Variants in RALYL observed in about 807,000 individuals in gnomAD.
RALYL encodes the protein RNA-binding Raly-like protein.
Under a neutral mutation model 35.1 loss-of-function variants are expected in RALYL, and 29 were observed. The observed-to-expected ratio is 0.83, with a 90% CI of 0.61 to 1.13. The LOEUF (loss-of-function observed/expected upper bound fraction) is 1.13. Among genes scored for constraint, RALYL ranks in the 50% most tolerant of loss-of-function variants. RALYL has a pLI of 0.00. For synonymous variants in RALYL, 120 were observed against 127.6 expected, an observed-to-expected ratio of 0.94 and a Z score of 0.40; for missense variants, 359 against 360.4, an observed-to-expected ratio of 1.00 and a Z score of 0.03.
chr8:84,771,789 C>G (rs1237408576), intron 2 of RALYL, among the ~76,000 whole-genome samples: 1 of 151,820 alleles, frequency 6.6e-6, no homozygotes, highest in South Asian at 2.1e-4. Flanking sequence ...AGAAACAAAT[C>G]CTTTGTCAAA....
At position 84,457,151 on chromosome 8, in the gene RALYL, A is replaced by G. The variant is rs542389193; in HGVS notation, c.-23-72148A>G. ...TTGCCAGTTGTCATTCTGAAGCATA[A>G]ATGGAATGCAGGGTTTGGAAGTTGT... On this transcript the variant is annotated intron_variant, in intron 1 of 8. Coordinates refer to ENST00000521268, the MANE Select transcript of RALYL (RefSeq NM_173848.7). 3.2e-3 allele frequency among the ~76,000 whole-genome samples: 482 copies of G among 152,042 alleles called. 2 individuals are homozygous for G. The highest frequency in any genetic ancestry group is 0.011 in the African/African-American group (449 of 41,506).
At chr8:84,912,777 T>C (rs1433117896) in intron 8 of RALYL, among the ~76,000 whole-genome samples, 3 of 152,060 alleles carry the variant, frequency 2.0e-5, no homozygotes, top group Non-Finnish European at 4.4e-5. Context: ...TTCTGTCATG[T>C]TGATTTCAAA....
chr8:84,585,765 G>A (rs1811851727), intron 2 of RALYL, among the ~76,000 whole-genome samples: 1 of 151,962 alleles, frequency 6.6e-6, no homozygotes, highest in Admixed American at 6.6e-5. Context: ...GAGACAAAAG[G>A]AGAAACAAAA....
At chr8:84,816,014 C>CAG (rs1181289356) in intron 4 of RALYL, among the ~76,000 whole-genome samples, 1 of 105,692 alleles carries the variant, frequency 9.5e-6, no homozygotes, top group Non-Finnish European at 1.7e-5. Context: ...AGCCTGGCAA[C>CAG]AGAGAGAGAC....
intron 1 of RALYL, among the ~76,000 whole-genome samples, chr8:84,353,354 C>T (rs1851259236): frequency 6.7e-6 from 1 of 150,250 alleles, no homozygotes; most frequent in Non-Finnish European, 1.5e-5. Context: ...AGCTTTTAAG[C>T]CCCCGTGGTA....
At chr8:84,216,505 T>G (rs1364398086) in intron 1 of RALYL, among the ~76,000 whole-genome samples, 1 of 152,170 alleles carries the variant, frequency 6.6e-6, no homozygotes, top group African/African-American at 2.4e-5. Flanking sequence ...TTTACTACAG[T>G]GAGCAAATTA....
At chr8:84,752,244 T>C (rs1810242869) in intron 2 of RALYL, among the ~76,000 whole-genome samples, 1 of 152,178 alleles carries the variant, frequency 6.6e-6, no homozygotes, top group Non-Finnish European at 1.5e-5. Context: ...AACTTTGAAC[T>C]TGAGAGTGAT....
intron 1 of RALYL, among the ~76,000 whole-genome samples, chr8:84,185,788 AACTG>A (rs1812371376): frequency 6.6e-6 from 1 of 152,208 alleles, no homozygotes; most frequent in Non-Finnish European, 1.5e-5. Flanking sequence ...CAGAAATAAA[AACTG>A]ACTGCAACAT....
chr8:84,498,684 A>G (rs1474198394), intron 1 of RALYL, among the ~76,000 whole-genome samples: 2 of 152,174 alleles, frequency 1.3e-5, no homozygotes, highest in Non-Finnish European at 2.9e-5. Context: ...TCACATCCAC[A>G]TGAAACTGCC....
At position 84,296,622 on chromosome 8, in the gene RALYL, C is replaced by T. The variant is rs542138776; in HGVS notation, c.-24+112198C>T. 8.0e-4 allele frequency among the ~76,000 whole-genome samples: 90 copies of T among 112,436 alleles called. 2 individuals are homozygous for T. Among genetic ancestry groups the T allele is most frequent in the Non-Finnish European group, 1.0e-4 (6 of 57,452 alleles). The allele number at this position is 112,436 out of a possible 152,430, so 73.8% of individuals were successfully genotyped here. ...GCAGGAGACATCTTTCTCTCTCTTG[C>T]ATTTTTTTTTTTTTTTTTTTTTTTT... On this transcript the variant is annotated intron_variant, in intron 1 of 8. Transcript: ENST00000521268.
At chr8:84,606,452 TG>T (rs1419690088) in intron 2 of RALYL, among the ~76,000 whole-genome samples, 4 of 152,164 alleles carry the variant, frequency 2.6e-5, no homozygotes, top group Non-Finnish European at 5.9e-5. Context: ...TTTTTTACAT[TG>T]TTTTAATTTA....
At chr8:84,259,667 A>C (rs1463760826) in intron 1 of RALYL, among the ~76,000 whole-genome samples, 1 of 152,198 alleles carries the variant, frequency 6.6e-6, no homozygotes. Context: ...TTATGCTTGT[A>C]TACAGCCTTG....
At chr8:84,828,585 C>T (rs938707519) in intron 4 of RALYL, 16 of 162,432 alleles carry the variant, frequency 9.9e-5, no homozygotes, top group Non-Finnish European at 2.0e-4. Context: ...ACTTTAGAAA[C>T]CTCTGACATA....
At chr8:84,239,665 CA>C (rs1422698511) in intron 1 of RALYL, among the ~76,000 whole-genome samples, 3 of 151,990 alleles carry the variant, frequency 2.0e-5, no homozygotes. Context: ...CTGAGGCGGG[CA>C]GGTCATCTGA....
intron 8 of RALYL, among the ~76,000 whole-genome samples, chr8:84,913,034 A>ATGGATG (rs1563856522): frequency 1.2e-5 from 1 of 86,876 alleles, no homozygotes; most frequent in Non-Finnish European, 2.4e-5. Context: ...ATGGATGGAT[A>ATGGATG]GGTAGGTAGA....
intron 1 of RALYL, among the ~76,000 whole-genome samples, chr8:84,444,119 A>G (rs1033916066): frequency 1.6e-4 from 25 of 152,256 alleles, no homozygotes; most frequent in Admixed American, 6.5e-4. Flanking sequence ...ACTTGAGGCC[A>G]AGATTTTGAG....
At chr8:84,819,931 TCA>T (rs1187861701) in intron 4 of RALYL, among the ~76,000 whole-genome samples, 1 of 152,212 alleles carries the variant, frequency 6.6e-6, no homozygotes, top group Non-Finnish European at 1.5e-5. Context: ...ACAATTCATA[TCA>T]GTTTTACTTC....
In RALYL at chr8:84,654,164, A is replaced by G. The variant is rs182872125; in HGVS notation, c.257-120415A>G. Among the ~76,000 whole-genome samples the G allele has an allele frequency of 6.7e-5, 10 of 148,648 alleles. No individual in the cohort carries two copies. The East Asian group carries it at 1.8e-3, about 27-fold the overall frequency. ...TTACATATATATAGTGTATATATGT[A>G]TCCACAAAAATTAACACAAAAGAAG... On this transcript the variant is annotated intron_variant, in intron 2 of 8. Coordinates refer to ENST00000521268, the MANE Select transcript of RALYL (RefSeq NM_173848.7).
intron 2 of RALYL, among the ~76,000 whole-genome samples, chr8:84,708,600 A>G (rs1841615428): frequency 6.6e-6 from 1 of 152,146 alleles, no homozygotes; most frequent in South Asian, 2.1e-4. Context: ...TGTTTTTTTA[A>G]AATTCGGATT....
Sources: allele counts gnomAD v4.1 joint callset (sites outside exome capture counted in the v4.1 genomes callset), GRCh38; gene constraint gnomAD v4.1.1; transcripts MANE v1.5; gene names NCBI Gene and HGNC (gene_info 2026-07-23, HGNC 2026-07-21).